The following FAM135B variants were observed in gnomAD, a reference collection of about 807,000 sequenced individuals.
The protein encoded by FAM135B is family with sequence similarity 135 member B.
FAM135B carries 43 observed loss-of-function variants against 127.7 expected under a neutral mutation model. The observed-to-expected ratio is 0.34, with a 90% confidence interval of 0.26 to 0.43. The LOEUF is 0.43. Ranked by LOEUF, FAM135B falls within the 20% of genes least tolerant of loss-of-function variation. The pLI is 1.00. For missense variants in FAM135B, 1,558 were observed against 1,725.6 expected (o/e 0.90, Z 1.72); for synonymous variants, 670 against 665.1 (o/e 1.01, Z -0.11).
chr8:138,423,282 A>C (rs1275693210), intron 1 of FAM135B, among the ~76,000 whole-genome samples: 1 of 152,194 alleles, frequency 6.6e-6, no homozygotes, highest in Admixed American at 6.5e-5. Context: ...AAGTTAGCGG[A>C]AAAAAAGCCT....
intron 5 of FAM135B, among the ~76,000 whole-genome samples, chr8:138,253,162 A>C (rs1393504331): frequency 6.6e-6 from 1 of 152,088 alleles, no homozygotes; most frequent in Non-Finnish European, 1.5e-5. Flanking sequence ...GTCACAAGAG[A>C]TAAAACTGAA....
rs2130776907 is a variant in FAM135B at position 138,152,647 on chromosome 8, T to C, written c.1828A>G (p.Thr610Ala). 1 of 1,614,178 alleles carries C rather than the reference T, an allele frequency of 6.2e-7. No homozygotes were observed. The highest frequency in any genetic ancestry group is 8.5e-7 in the Non-Finnish European group (1 of 1,180,042). ...SHQNAISSDK[T>A]TLHELSTLGK... Reference sequence around the variant, plus strand: ...AGAGTACTTAATTCATGGAGAGTTGTTTTGTCTGAAGAGATGGCATTTTGG... The same window carrying C: ...AGAGTACTTAATTCATGGAGAGTTGCTTTGTCTGAAGAGATGGCATTTTGG... Residue 610 changes from threonine to alanine, a missense_variant, in exon 13 of 20, where the codon ACA becomes GCA. Coordinates refer to ENST00000395297, the MANE Select transcript of FAM135B (RefSeq NM_015912.4).
intron 1 of FAM135B, chr8:138,441,072 G>A (rs531876485): frequency 2.0e-4 from 30 of 152,346 alleles, no homozygotes; most frequent in African/African-American, 7.0e-4. Context: ...AGTGGAGGAA[G>A]TGCTCACTCT....
chr8:138,191,859 C>T (rs894434967), intron 9 of FAM135B, among the ~76,000 whole-genome samples: 1 of 152,160 alleles, frequency 6.6e-6, no homozygotes, highest in African/African-American at 2.4e-5. Context: ...AATACTTGCA[C>T]CAGACATGAT....
rs547618204 is a variant in FAM135B, at chr8:138,198,602, G to A, written c.670-933C>T. On this transcript the variant is annotated intron_variant, in intron 7 of 19. Transcript: ENST00000395297. ...AATGCTGAAAGCACACCTGTAAACA[G>A]CTCTGCATGTGAGCATGCAGTGTCA... 1.1e-4 allele frequency among the ~76,000 whole-genome samples: 16 copies of A among 152,314 alleles called. No individual in the cohort carries two copies. The Middle Eastern group carries it at 0.014, about 130-fold the overall frequency.
chr8:138,364,179 A>G (rs898351295), intron 2 of FAM135B, among the ~76,000 whole-genome samples: 1 of 152,134 alleles, frequency 6.6e-6, no homozygotes, highest in African/African-American at 2.4e-5. Flanking sequence ...ATTACACTTC[A>G]TTTTAAGCAT....
At chr8:138,215,230 G>A (rs1327457794) in intron 7 of FAM135B, among the ~76,000 whole-genome samples, 1 of 152,190 alleles carries the variant, frequency 6.6e-6, no homozygotes, top group East Asian at 1.9e-4. Context: ...CTATGCCTAA[G>A]TTACCTTATC....
At chr8:138,339,892 G>A (rs527313351) in intron 2 of FAM135B, among the ~76,000 whole-genome samples, 1 of 152,186 alleles carries the variant, frequency 6.6e-6, no homozygotes. Context: ...GCTGATGGGG[G>A]AGTGGAAGCG....
At chr8:138,295,102 C>CTTTTTTTTTTT (rs527258472) in intron 3 of FAM135B, among the ~76,000 whole-genome samples, 2 of 82,216 alleles carry the variant, frequency 2.4e-5, no homozygotes, top group African/African-American at 5.0e-5. Context: ...CTTGCTGGTG[C>CTTTTTTTTTTT]TTTTTTTTTT....
chr8:138,259,736 C>T (rs1231742785), intron 4 of FAM135B, among the ~76,000 whole-genome samples: 1 of 152,082 alleles, frequency 6.6e-6, no homozygotes, highest in Non-Finnish European at 1.5e-5. Flanking sequence ...TCACTGTATC[C>T]TCATCTGTAA....
At chr8:138,343,732 A>C (rs980796190) in intron 2 of FAM135B, among the ~76,000 whole-genome samples, 4 of 152,088 alleles carry the variant, frequency 2.6e-5, no homozygotes, top group Non-Finnish European at 2.9e-5. Flanking sequence ...TGTCCCCTGG[A>C]ACTCCCACCT....
intron 9 of FAM135B, among the ~76,000 whole-genome samples, chr8:138,183,821 G>A (rs1815306557): frequency 6.6e-6 from 1 of 152,168 alleles, no homozygotes; most frequent in Non-Finnish European, 1.5e-5. Flanking sequence ...TAATTACTTT[G>A]GGATCTATTC....
At chr8:138,193,164 G>C (rs531527143) in intron 9 of FAM135B, among the ~76,000 whole-genome samples, 7 of 152,304 alleles carry the variant, frequency 4.6e-5, no homozygotes, top group East Asian at 3.9e-4. Context: ...GAGGCAGAAG[G>C]CCTGCTGCAT....
chr8:138,335,681 A>G (rs1298197773), intron 2 of FAM135B, among the ~76,000 whole-genome samples: 1 of 152,202 alleles, frequency 6.6e-6, no homozygotes, highest in Admixed American at 6.5e-5. Context: ...CCCACTGTCA[A>G]CATTAGACAG....
chr8:138,360,658 G>A (rs551391873), intron 2 of FAM135B, among the ~76,000 whole-genome samples: 1 of 152,284 alleles, frequency 6.6e-6, no homozygotes, highest in East Asian at 1.9e-4. Flanking sequence ...TCCAACCTTG[G>A]AATTACCTCG....
Position 138,310,833 on chromosome 8 carries a change from C to T in FAM135B, c.157+8G>A, listed in dbSNP as rs1205476474. The T allele has an allele frequency of 6.2e-7, 1 of 1,613,358 alleles. No individual in the cohort carries two copies. The highest frequency in any genetic ancestry group is 8.5e-7 in the Non-Finnish European group (1 of 1,179,772). ...GGGCAAGTGCCCCATTGCCATTCTT[C>T]TGCTCACCTGTCTGCCCAGCGATGG... On this transcript the variant is annotated splice_region_variant and intron_variant, in intron 3 of 19. Coordinates refer to ENST00000395297, the MANE Select transcript of FAM135B (RefSeq NM_015912.4).
chr8:138,175,959 T>A (rs571764549), intron 11 of FAM135B, among the ~76,000 whole-genome samples: 125 of 152,334 alleles, frequency 8.2e-4, no homozygotes, highest in African/African-American at 2.7e-3. Context: ...GCTCCGTGTG[T>A]TCCATGTGCA....
At chr8:138,174,970 A>G (rs1440758106) in intron 11 of FAM135B, among the ~76,000 whole-genome samples, 1 of 152,218 alleles carries the variant, frequency 6.6e-6, no homozygotes, top group East Asian at 1.9e-4. Flanking sequence ...CATAGTGAAG[A>G]CCTAACTAAC....
intron 1 of FAM135B, among the ~76,000 whole-genome samples, chr8:138,374,603 C>A (rs981339980): frequency 6.6e-6 from 1 of 152,030 alleles, no homozygotes; most frequent in African/African-American, 2.4e-5. Context: ...AGACTCTAGG[C>A]CAGAGTGTGA....
Sources: allele counts gnomAD v4.1 joint callset (sites outside exome capture counted in the v4.1 genomes callset), GRCh38; gene constraint gnomAD v4.1.1; transcripts MANE v1.5; gene names NCBI Gene and HGNC (gene_info 2026-07-23, HGNC 2026-07-21).